The following LRRC4C variants were observed in gnomAD, a reference collection of about 807,000 sequenced individuals.
LRRC4C encodes leucine-rich repeat-containing protein 4C.
LRRC4C carries 5 observed loss-of-function variants against 33.6 expected under a neutral mutation model. The observed-to-expected ratio is 0.15, with a 90% CI of 0.08 to 0.31. The LOEUF (loss-of-function observed/expected upper bound fraction) is 0.31. LRRC4C is among the 10% of genes least tolerant of loss of function. The pLI is 1.00. For missense variants in LRRC4C, 560 were observed against 796.7 expected (o/e 0.70, Z 3.58); for synonymous variants, 329 against 302.0 (o/e 1.09, Z -0.93).
At chr11:40,792,694 T>G (rs1483453373) in intron 2 of LRRC4C, among the ~76,000 whole-genome samples, 2 of 152,094 alleles carry the variant, frequency 1.3e-5, no homozygotes, top group Non-Finnish European at 2.9e-5. Context: ...ACACGTATGT[T>G]TATTGCAGCA....
Position 40,383,691 on chromosome 11 carries a change from T to C in LRRC4C, c.-269-63970A>G, listed in dbSNP as rs532813999. Among the ~76,000 whole-genome samples the C allele has an allele frequency of 3.9e-5, 6 of 151,964 alleles. 1 individual carries two copies. Among genetic ancestry groups the C allele is most frequent in the African/African-American group, 1.4e-4 (6 of 41,464 alleles). On this transcript the variant is annotated intron_variant, in intron 3 of 6. Coordinates refer to ENST00000528697, the MANE Select transcript of LRRC4C (RefSeq NM_001258419.2). ...TGTTATTCAGATCCTGTGCCCATTTTATTTATTTATTTTTTTAATACAAGA... is the reference window on the plus strand; with the variant it reads ...TGTTATTCAGATCCTGTGCCCATTTCATTTATTTATTTTTTTAATACAAGA...
At chr11:41,392,829 G>A in intron 1 of LRRC4C, among the ~76,000 whole-genome samples, 1 of 151,840 alleles carries the variant, frequency 6.6e-6, no homozygotes. Flanking sequence ...GAGGAAGCAG[G>A]AAGGATTCTT....
In LRRC4C at chr11:41,434,131, C is replaced by T. The variant is rs149710571; in HGVS notation, c.-496+25300G>A. 5.2e-4 allele frequency among the ~76,000 whole-genome samples: 79 copies of T among 152,194 alleles called. No homozygotes were observed. The East Asian group carries it at 0.015, about 29-fold the overall frequency. On this transcript the variant is annotated intron_variant, in intron 1 of 6. Transcript: ENST00000528697. ...ATAGATATTCAGCAGTGGCAACCAT[C>T]ACCTGAGATCTTCCTAGAAATGCAC... is the stretch of plus-strand genomic sequence containing the variant.
chr11:41,304,017 C>T (rs1350974312), intron 1 of LRRC4C, among the ~76,000 whole-genome samples: 2 of 75,164 alleles, frequency 2.7e-5, no homozygotes, highest in African/African-American at 3.5e-5. Context: ...GCCCCCCGCC[C>T]GGCCAGCCGC....
At chr11:41,222,571 T>C (rs913043991) in intron 1 of LRRC4C, among the ~76,000 whole-genome samples, 20 of 152,104 alleles carry the variant, frequency 1.3e-4, no homozygotes, top group African/African-American at 4.8e-4. Context: ...GAGCTCTCTG[T>C]TATAAATGCT....
intron 3 of LRRC4C, among the ~76,000 whole-genome samples, chr11:40,356,530 A>T (rs1947679730): frequency 6.6e-6 from 1 of 152,210 alleles, no homozygotes; most frequent in South Asian, 2.1e-4. Flanking sequence ...CTGGGACTTA[A>T]GCAGTCTGCC....
At chr11:41,157,027 A>G (rs1223890235) in intron 1 of LRRC4C, among the ~76,000 whole-genome samples, 2 of 152,196 alleles carry the variant, frequency 1.3e-5, no homozygotes, top group African/African-American at 4.8e-5. Context: ...TGTGAAGAAC[A>G]GCATTCCTCC....
chr11:40,500,668 G>C (rs967411296), intron 3 of LRRC4C, among the ~76,000 whole-genome samples: 1 of 152,072 alleles, frequency 6.6e-6, no homozygotes, highest in African/African-American at 2.4e-5. Context: ...TGCCCCGATA[G>C]TTCAATTATC....
intron 3 of LRRC4C, among the ~76,000 whole-genome samples, chr11:40,600,937 A>C (rs749670148): frequency 2.6e-5 from 4 of 152,196 alleles, no homozygotes; most frequent in African/African-American, 4.8e-5. Flanking sequence ...AAAATCATTT[A>C]GTGTCTTGTG....
intron 1 of LRRC4C, among the ~76,000 whole-genome samples, chr11:41,126,200 A>G (rs566518094): frequency 6.6e-6 from 1 of 152,186 alleles, no homozygotes; most frequent in South Asian, 2.1e-4. Flanking sequence ...ATTAAATTAA[A>G]TTAAATTTTT....
rs551883780 is a variant in LRRC4C at position 40,960,134 on chromosome 11, GGGAA to G, written c.-495-26415_-495-26412del. On this transcript the variant is annotated intron_variant, in intron 1 of 6. Coordinates refer to ENST00000528697, the MANE Select transcript of LRRC4C (RefSeq NM_001258419.2). ...GAAGAAAGAAAAAAGGAAGGAAGGA[GGGAA>G]GGAAGGAAGGAAGGAAGGAAATTTC... Among the ~76,000 whole-genome samples, 799 of 148,272 alleles carry G rather than the reference GGGAA, an allele frequency of 5.4e-3. 5 individuals are homozygous for G. The highest frequency in any genetic ancestry group is 0.017 in the African/African-American group (696 of 40,460).
chr11:40,523,506 A>G (rs922046344), intron 3 of LRRC4C, among the ~76,000 whole-genome samples: 1 of 150,346 alleles, frequency 6.7e-6, no homozygotes, highest in African/African-American at 2.4e-5. Flanking sequence ...AATGTATGTT[A>G]ATCGTTATGC....
intron 2 of LRRC4C, among the ~76,000 whole-genome samples, chr11:40,693,923 A>G (rs1211632373): frequency 2.6e-5 from 4 of 152,150 alleles, no homozygotes; most frequent in East Asian, 1.9e-4. Flanking sequence ...TCTGCTATCA[A>G]TGCCAACATT....
chr11:40,510,088 GT>G (rs1376152649), intron 3 of LRRC4C, among the ~76,000 whole-genome samples: 6 of 151,858 alleles, frequency 4.0e-5, no homozygotes, highest in Non-Finnish European at 8.8e-5. Context: ...AGGGGTTCTT[GT>G]TTTACATTTT....
At chr11:40,763,380 C>A (rs1300808704) in intron 2 of LRRC4C, among the ~76,000 whole-genome samples, 1 of 152,042 alleles carries the variant, frequency 6.6e-6, no homozygotes, top group Non-Finnish European at 1.5e-5. Flanking sequence ...ATAAATAGGG[C>A]AGGAGGCAGA....
At chr11:40,968,786 T>C (rs1415907252) in intron 1 of LRRC4C, among the ~76,000 whole-genome samples, 1 of 152,140 alleles carries the variant, frequency 6.6e-6, no homozygotes, top group African/African-American at 2.4e-5. Flanking sequence ...CTTCAAAATA[T>C]TACTTTTCAT....
intron 3 of LRRC4C, among the ~76,000 whole-genome samples, chr11:40,404,955 G>A (rs1004303549): frequency 6.6e-6 from 1 of 151,918 alleles, no homozygotes; most frequent in South Asian, 2.1e-4. Flanking sequence ...CAAGGCAAGA[G>A]TAGCTATAAG....
intron 3 of LRRC4C, among the ~76,000 whole-genome samples, chr11:40,517,236 A>G (rs1391963232): frequency 6.6e-6 from 1 of 152,170 alleles, no homozygotes; most frequent in African/African-American, 2.4e-5. Context: ...ATAACATAAT[A>G]CTATAATTCC....
intron 1 of LRRC4C, among the ~76,000 whole-genome samples, chr11:41,032,240 G>T (rs1189203080): frequency 6.6e-6 from 1 of 152,136 alleles, no homozygotes; most frequent in East Asian, 1.9e-4. Context: ...TTAGATTTGT[G>T]CTTATTGAGT....
Sources: allele counts gnomAD v4.1 joint callset (sites outside exome capture counted in the v4.1 genomes callset), GRCh38; gene constraint gnomAD v4.1.1; transcripts MANE v1.5; gene names NCBI Gene and HGNC (gene_info 2026-07-23, HGNC 2026-07-21).